CDK15: variants seen among roughly 807,000 people sequenced by gnomAD.
The protein encoded by CDK15 is cyclin dependent kinase 15, also known as cyclin-dependent kinase 15.
In CDK15, 62 loss-of-function variants were observed where a neutral mutation model predicts 60.3. The ratio of observed to expected loss-of-function variants is 1.03; its 90% CI spans 0.84 to 1.27. CDK15 has a LOEUF of 1.27. CDK15 is among the 50% of genes most tolerant of loss of function. CDK15 has a pLI of 0.00. For synonymous variants in CDK15, 194 were observed against 195.7 expected (o/e 0.99, Z 0.07); for missense variants, 541 against 527.8 (o/e 1.03, Z -0.25).
intron 7 of CDK15, among the ~76,000 whole-genome samples, chr2:201,835,136 G>T (rs1298575794): frequency 6.6e-6 from 1 of 152,144 alleles, no homozygotes; most frequent in East Asian, 1.9e-4. Context: ...AATTACAGAG[G>T]TATAACATGC....
intron 8 of CDK15, 62 bp downstream of exon 8, chr2:201,835,825 A>G: frequency 7.9e-7 from 1 of 1,271,888 alleles, no homozygotes; most frequent in Non-Finnish European, 1.0e-6. Context: ...TATCATCTAC[A>G]TTATATTTTA....
At chr2:201,878,056 T>C (rs554514741) in intron 11 of CDK15, among the ~76,000 whole-genome samples, 1 of 152,336 alleles carries the variant, frequency 6.6e-6, no homozygotes, top group South Asian at 2.1e-4. Context: ...GTCTGCTTAA[T>C]TGGGGATTTA....
intron 6 of CDK15, among the ~76,000 whole-genome samples, chr2:201,832,215 T>A (rs1026004162): frequency 1.2e-4 from 19 of 152,108 alleles, no homozygotes; most frequent in Non-Finnish European, 2.2e-4. Flanking sequence ...CTGGCTAATT[T>A]TTGTATTTTT....
chr2:201,852,181 A>T (rs1327350765), intron 9 of CDK15, among the ~76,000 whole-genome samples: 1 of 152,254 alleles, frequency 6.6e-6, no homozygotes, highest in Non-Finnish European at 1.5e-5. Context: ...TTAGAAAATT[A>T]TACAGATTAT....
chr2:201,858,356 C>G (rs1293658771), intron 10 of CDK15, among the ~76,000 whole-genome samples: 2 of 134,946 alleles, frequency 1.5e-5, no homozygotes, highest in Non-Finnish European at 3.2e-5. Flanking sequence ...TCCCTCCCTT[C>G]CTTCCTTCCC....
At chr2:201,878,220 G>A (rs1479782998) in intron 11 of CDK15, among the ~76,000 whole-genome samples, 1 of 152,144 alleles carries the variant, frequency 6.6e-6, no homozygotes, top group Non-Finnish European at 1.5e-5. Flanking sequence ...ATAAATGATT[G>A]GCATTAGATG....
chr2:201,890,764 T>C (rs373221860), intron 12 of CDK15, 21 bp from the exon 13 acceptor site: 4 of 1,553,806 alleles, frequency 2.6e-6, no homozygotes, highest in African/African-American at 2.7e-5. Context: ...TATTGGTGCT[T>C]CTCTCTTTTC....
intron 10 of CDK15, among the ~76,000 whole-genome samples, chr2:201,858,461 C>T (rs1322458302): frequency 1.3e-5 from 2 of 151,440 alleles, no homozygotes; most frequent in African/African-American, 2.4e-5. Flanking sequence ...TTTCTGTCTC[C>T]CCCACTCCCC....
intron 7 of CDK15, among the ~76,000 whole-genome samples, chr2:201,834,647 G>A (rs1203950925): frequency 6.6e-5 from 10 of 152,208 alleles, no homozygotes; most frequent in Non-Finnish European, 8.8e-5. Flanking sequence ...GCATAATGAG[G>A]GCAGCCTGGG....
intron 10 of CDK15, among the ~76,000 whole-genome samples, chr2:201,865,892 C>CAAAAAAAAAA (rs35178158): frequency 1.2e-4 from 5 of 40,080 alleles, no homozygotes; most frequent in Admixed American, 3.3e-4. Context: ...TCCATCTCAA[C>CAAAAAAAAAA]AAAAAAAAAA....
chr2:201,878,010 C>T (rs184337096), intron 11 of CDK15, among the ~76,000 whole-genome samples: 38 of 152,284 alleles, frequency 2.5e-4, no homozygotes, highest in African/African-American at 8.7e-4. Flanking sequence ...TGCTTTAAGT[C>T]AGTAGGTGTA....
At chr2:201,824,987 C>G (rs1696402630) in intron 6 of CDK15, among the ~76,000 whole-genome samples, 1 of 152,144 alleles carries the variant, frequency 6.6e-6, no homozygotes, top group Non-Finnish European at 1.5e-5. Context: ...TCTTAAGATA[C>G]TGTAAATGAT....
At chr2:201,835,059 T>C (rs572363366) in intron 7 of CDK15, among the ~76,000 whole-genome samples, 9 of 152,328 alleles carry the variant, frequency 5.9e-5, no homozygotes, top group African/African-American at 1.4e-4. Context: ...TGGGCTTTCC[T>C]GGAGTGCCAA....
At chr2:201,831,092 G>A (rs558497536) in intron 6 of CDK15, among the ~76,000 whole-genome samples, 109 of 152,286 alleles carry the variant, frequency 7.2e-4, no homozygotes, top group Non-Finnish European at 1.4e-3. Context: ...GAACAGAATG[G>A]AGATGAGTAT....
intron 12 of CDK15, chr2:201,888,844 G>T: frequency 9.3e-7 from 1 of 1,072,756 alleles, no homozygotes; most frequent in Non-Finnish European, 1.1e-6. Flanking sequence ...CCCGAGAGAA[G>T]TTCCCCAAAT....
rs16838337 is a variant in CDK15 at position 201,876,571 on chromosome 2, C to T, written c.1059-3457C>T. ...GCTTTGCCCTGGTGACCACCTCTACCGGCGAAGGAGAAGGAGAAGCAAAGT... is the reference window on the plus strand; with the variant it reads ...GCTTTGCCCTGGTGACCACCTCTACTGGCGAAGGAGAAGGAGAAGCAAAGT... On this transcript the variant is annotated intron_variant, in intron 11 of 13. Transcript: ENST00000652192. 1.8e-4 allele frequency: 238 copies of T among 1,288,410 alleles called. No individual in the cohort carries two copies. The African/African-American group carries it at 3.4e-3, about 18-fold the overall frequency. The allele number at this position is 1,288,410 out of a possible 1,614,324, so 79.8% of individuals were successfully genotyped here.
chr2:201,807,817 T>G, intron 2 of CDK15, 41 bp from the exon 3 acceptor site: 1 of 1,580,326 alleles, frequency 6.3e-7, no homozygotes, highest in Non-Finnish European at 8.6e-7. Flanking sequence ...TCTTTCTCTC[T>G]TCCCTTTCAC....
intron 6 of CDK15, among the ~76,000 whole-genome samples, chr2:201,832,288 C>G (rs193601): frequency 0.99 from 150,417 of 152,330 alleles, 74,264 homozygotes; most frequent in Middle Eastern, 1. Flanking sequence ...TCAGGTGATC[C>G]GCTCGCTTTG....
At chr2:201,888,480 T>C (rs1023470394) in intron 12 of CDK15, 5 of 1,534,932 alleles carry the variant, frequency 3.3e-6, no homozygotes, top group African/African-American at 1.4e-5. Flanking sequence ...CTGCGATAAT[T>C]ATGCTGTCAG....
Sources: allele counts gnomAD v4.1 joint callset (sites outside exome capture counted in the v4.1 genomes callset), GRCh38; gene constraint gnomAD v4.1.1; transcripts MANE v1.5; gene names NCBI Gene and HGNC (gene_info 2026-07-23, HGNC 2026-07-21).